STK3: variants seen among roughly 807,000 people sequenced by gnomAD.
STK3 encodes serine/threonine kinase 3.
In STK3, 41 loss-of-function variants were observed where a neutral mutation model predicts 58.0. That is an observed-to-expected ratio of 0.71 (90% CI 0.55 to 0.92). The LOEUF (loss-of-function observed/expected upper bound fraction) is 0.92, where lower values mean the gene tolerates loss of function less well. Among genes scored for constraint, STK3 ranks in the 40% least tolerant of loss-of-function variants. The pLI is 0.00. For missense variants in STK3, 479 were observed against 602.7 expected (o/e 0.79, Z 2.15); for synonymous variants, 170 against 191.0 (o/e 0.89, Z 0.91).
At chr8:98,396,637 T>G (rs896525178), downstream of STK3, among the ~76,000 whole-genome samples, 10 of 152,322 alleles carry the variant, frequency 6.6e-5, no homozygotes, top group South Asian at 1.7e-3. Flanking sequence ...AATCCAGGCC[T>G]TCAATAAAAC....
At chr8:98,651,610 G>T (rs568752526) in intron 6 of STK3, 2 of 151,564 alleles carry the variant, frequency 1.3e-5, no homozygotes, top group Middle Eastern at 3.1e-3. Context: ...TTAGACGAAT[G>T]TATAACTAGA....
chr8:98,355,622 G>A, the STK3 span, among the ~76,000 whole-genome samples: 1 of 152,188 alleles, frequency 6.6e-6, no homozygotes, highest in African/African-American at 2.4e-5. Flanking sequence ...AAGCTTGACT[G>A]CACTTGATAC....
At chr8:98,648,822 C>T (rs562414161) in intron 6 of STK3, among the ~76,000 whole-genome samples, 117 of 150,968 alleles carry the variant, frequency 7.7e-4, no homozygotes, top group African/African-American at 1.7e-3. Context: ...AACCTGGAGG[C>T]GGAAGTTGCA....
intron 6 of STK3, among the ~76,000 whole-genome samples, chr8:98,669,573 T>G (rs1822652497): frequency 6.6e-6 from 1 of 152,168 alleles, no homozygotes; most frequent in Admixed American, 6.5e-5. Context: ...TTCCAAAAAT[T>G]CAAAGTGGAA....
intron 6 of STK3, among the ~76,000 whole-genome samples, chr8:98,673,526 C>T (rs1389727653): frequency 6.6e-6 from 1 of 151,538 alleles, no homozygotes; most frequent in Admixed American, 6.6e-5. Flanking sequence ...TCACATATTG[C>T]ATGATTCCAT....
At chr8:98,372,552 T>C (rs66496073) in intron 2 of STK3, among the ~76,000 whole-genome samples, 7 of 143,330 alleles carry the variant, frequency 4.9e-5, no homozygotes, top group East Asian at 4.0e-4. Flanking sequence ...TTTTTTTTTT[T>C]CCCCTTAACT....
intron 1 of STK3, chr8:98,904,727 C>G: frequency 1.2e-6 from 1 of 831,148 alleles, no homozygotes; most frequent in East Asian, 4.0e-5. Flanking sequence ...GTAGCCCTCT[C>G]CAACTGTGGG....
At chr8:98,707,037 A>G (rs1826017608) in intron 5 of STK3, 110 bp downstream of exon 5, 5 of 1,221,316 alleles carry the variant, frequency 4.1e-6, no homozygotes, top group Admixed American at 3.5e-5. Flanking sequence ...ACAAAAATTA[A>G]AAAACTACAC....
At chr8:98,678,729 T>A (rs1563880795) in intron 6 of STK3, among the ~76,000 whole-genome samples, 1 of 152,208 alleles carries the variant, frequency 6.6e-6, no homozygotes, top group Non-Finnish European at 1.5e-5. Flanking sequence ...ATGGGCACAG[T>A]AGATACACAA....
chr8:98,786,413 T>C (rs999665058), intron 1 of STK3, among the ~76,000 whole-genome samples: 6 of 152,170 alleles, frequency 3.9e-5, no homozygotes, highest in African/African-American at 1.4e-4. Context: ...CTGGGCATGA[T>C]GGTTTGCACC....
intron 7 of STK3, among the ~76,000 whole-genome samples, chr8:98,581,073 G>A (rs1381514844): frequency 6.6e-6 from 1 of 152,182 alleles, no homozygotes; most frequent in East Asian, 1.9e-4. Context: ...TGGTTGGACC[G>A]ACAATTGCCC....
At chr8:98,777,009 C>T (rs1397087374) in intron 1 of STK3, among the ~76,000 whole-genome samples, 2 of 150,802 alleles carry the variant, frequency 1.3e-5, no homozygotes, top group Non-Finnish European at 2.9e-5. Flanking sequence ...GAGATCGCGC[C>T]GCTGCACTCC....
At chr8:98,741,749 C>G (rs1226742991) in intron 4 of STK3, among the ~76,000 whole-genome samples, 3 of 151,906 alleles carry the variant, frequency 2.0e-5, no homozygotes, top group Non-Finnish European at 2.9e-5. Context: ...TAAAATCGAA[C>G]CAGAACTGAA....
At chr8:98,849,241 AAAG>A (rs1264674013) in intron 3 of STK3, among the ~76,000 whole-genome samples, 156 of 151,932 alleles carry the variant, frequency 1.0e-3, no homozygotes, top group African/African-American at 3.6e-3. Context: ...AAAAAAAAAA[AAAG>A]AAATTCTTAA....
At chr8:98,683,833 A>C (rs911672030) in intron 6 of STK3, among the ~76,000 whole-genome samples, 1 of 152,122 alleles carries the variant, frequency 6.6e-6, no homozygotes, top group African/African-American at 2.4e-5. Context: ...AGTAAACAAA[A>C]CACTACCCTA....
chr8:98,561,858 T>C (rs562206119), intron 8 of STK3, among the ~76,000 whole-genome samples: 34 of 152,140 alleles, frequency 2.2e-4, no homozygotes, highest in African/African-American at 7.9e-4. Context: ...GGGAAAAATA[T>C]TGAACATACA....
intron 1 of STK3, among the ~76,000 whole-genome samples, chr8:98,802,421 T>C (rs1167422364): frequency 6.6e-6 from 1 of 152,202 alleles, no homozygotes. Context: ...GTTAAGAACA[T>C]ATCTAAGATT....
chr8:98,664,957 T>C (rs1337885885), intron 6 of STK3, among the ~76,000 whole-genome samples: 2 of 152,072 alleles, frequency 1.3e-5, no homozygotes, highest in Non-Finnish European at 2.9e-5. Context: ...AAAACAGTCT[T>C]AGAAACATGG....
At chr8:98,799,166 C>T (rs962231327) in intron 1 of STK3, among the ~76,000 whole-genome samples, 1 of 152,184 alleles carries the variant, frequency 6.6e-6, no homozygotes, top group Admixed American at 6.5e-5. Flanking sequence ...AGAGCATAAT[C>T]TCCTATTATA....
Sources: allele counts gnomAD v4.1 joint callset (sites outside exome capture counted in the v4.1 genomes callset), GRCh38; gene constraint gnomAD v4.1.1; transcripts MANE v1.5; gene names NCBI Gene and HGNC (gene_info 2026-07-23, HGNC 2026-07-21).